ZNF827: variants seen among roughly 807,000 people sequenced by gnomAD.
ZNF827 encodes the protein zinc finger protein 827.
In ZNF827, 13 loss-of-function variants were observed where a neutral mutation model predicts 102.4. That is an observed-to-expected ratio of 0.13 (90% confidence interval 0.08 to 0.20). The LOEUF (loss-of-function observed/expected upper bound fraction) is 0.20. Among genes scored for constraint, ZNF827 ranks in the 10% least tolerant of loss-of-function variants. The pLI is 1.00. For synonymous variants in ZNF827, 523 were observed against 536.2 expected, an observed-to-expected ratio of 0.98 and a Z score of 0.34; for missense variants, 1,103 against 1,344.4, an observed-to-expected ratio of 0.82 and a Z score of 2.81.
Position 145,758,458 on chromosome 4 carries a change from TC to T in ZNF827, c.*3157del, listed in dbSNP as rs1446581793. ...TGGTGCTTAAGTGTGATTCGCCTTT[TC>T]TACCAGCCTCTGTGGGACTACTTTA... On this transcript the variant is annotated 3_prime_UTR_variant, in exon 15 of 15. Coordinates refer to ENST00000508784, the MANE Select transcript of ZNF827 (RefSeq NM_001306215.2). 6.6e-6 allele frequency: 1 copy of T among 152,236 alleles called. No individual in the cohort carries two copies. Among genetic ancestry groups the T allele is most frequent in the African/African-American group, 2.4e-5 (1 of 41,464 alleles). The allele number at this position is 152,236 out of a possible 1,614,324, so 9.4% of individuals were successfully genotyped here.
chr4:145,902,202 C>G lies in ZNF827; in HGVS notation c.1057G>C (p.Val353Leu), dbSNP rs1392892857. The part of the protein sequence containing the change: ...PQSLELLLLP[V>L]PKGRVSKPSN... Reference sequence around the variant, plus strand: ...GGTTTAGAAACTCTTCCCTTAGGAACTGGGAGTAATAATAATTCCAGGGAT... The same window carrying G: ...GGTTTAGAAACTCTTCCCTTAGGAAGTGGGAGTAATAATAATTCCAGGGAT... The change falls in exon 2 of 15, where the codon GTT (valine) becomes CTT (leucine). Residue 353 changes from valine (V) to leucine (L), a missense_variant. Transcript: ENST00000508784. This position sits in a 1 kb window ranked among gnomAD's most constrained non-coding sequence, Gnocchi z 4.3. 1 of 1,604,250 alleles carries G rather than the reference C, an allele frequency of 6.2e-7. No individual in the cohort carries two copies. The highest frequency in any genetic ancestry group is 1.7e-5 in the Admixed American group (1 of 58,620).
At chr4:145,820,146 A>G (rs1042024599) in intron 8 of ZNF827, 2 of 152,678 alleles carry the variant, frequency 1.3e-5, no homozygotes, top group Non-Finnish European at 2.9e-5. Context: ...CCCTTGGCCC[A>G]GCAGCTGTTA....
chr4:145,788,416 G>A (rs1739196667), intron 8 of ZNF827, among the ~76,000 whole-genome samples: 1 of 152,186 alleles, frequency 6.6e-6, no homozygotes, highest in South Asian at 2.1e-4. Context: ...GTCACTGCCA[G>A]AATCCAGGCC....
chr4:145,855,427 G>A (rs974557266), intron 5 of ZNF827, among the ~76,000 whole-genome samples: 1 of 152,186 alleles, frequency 6.6e-6, no homozygotes, highest in Non-Finnish European at 1.5e-5. Flanking sequence ...TCTTAGGATT[G>A]ATCATTACTT....
At chr4:145,783,211 A>G (rs1047394580) in intron 8 of ZNF827, among the ~76,000 whole-genome samples, 6 of 152,224 alleles carry the variant, frequency 3.9e-5, no homozygotes, top group African/African-American at 1.4e-4. Context: ...GCATTAGCAC[A>G]ATCTCTGCTA....
At chr4:145,882,605 C>CTTAGTT (rs1253171035) in intron 4 of ZNF827, among the ~76,000 whole-genome samples, 1 of 152,144 alleles carries the variant, frequency 6.6e-6, no homozygotes, top group African/African-American at 2.4e-5. Context: ...CATCTTTATG[C>CTTAGTT]TTAGTTTTAG....
At position 145,902,030 on chromosome 4, in the gene ZNF827, T is replaced by G. The variant is rs1751453621; in HGVS notation, c.1093+136A>C. The G allele has an allele frequency of 2.7e-6, 3 of 1,105,846 alleles. No homozygotes were observed. Among genetic ancestry groups the G allele is most frequent in the Non-Finnish European group, 3.8e-6 (3 of 797,596 alleles). 68.5% of individuals were successfully genotyped at this position (1,105,846 alleles called of 1,614,324 possible). On this transcript the variant is annotated intron_variant, in intron 2 of 14. Transcript: ENST00000508784. The surrounding 1 kb of genome is among the most constrained non-coding windows in gnomAD (Gnocchi z 4.3). Reference sequence around the variant, plus strand: ...AGACTACTATGCTGCTTACTTAAAGTATTTTTGTTGTGCTCTTGCTTTTTT... The same window carrying G: ...AGACTACTATGCTGCTTACTTAAAGGATTTTTGTTGTGCTCTTGCTTTTTT...
chr4:145,837,045 T>G (rs1248144159), intron 7 of ZNF827, among the ~76,000 whole-genome samples: 18 of 152,254 alleles, frequency 1.2e-4, no homozygotes, highest in Admixed American at 3.3e-4. Context: ...ACTGGATAGG[T>G]AGAGGCCTTT....
Position 145,763,175 on chromosome 4 carries a change from AG to A in ZNF827, c.3231-54del. 1 of 1,515,038 alleles carries A rather than the reference AG, an allele frequency of 6.6e-7. No homozygotes were observed. The highest frequency in any genetic ancestry group is 8.9e-7 in the Non-Finnish European group (1 of 1,129,730). 93.8% of individuals were successfully genotyped at this position (1,515,038 alleles called of 1,614,324 possible). Reference sequence around the variant, plus strand: ...ATCTTATTTGATCTGCATTATGAACAGGATATAGAGTACAAGCAGTTCCATC... The same window carrying A: ...ATCTTATTTGATCTGCATTATGAACAGATATAGAGTACAAGCAGTTCCATC... On this transcript the variant is annotated intron_variant, in intron 13 of 14. Transcript: ENST00000508784. The surrounding 1 kb of genome is among the most constrained non-coding windows in gnomAD (Gnocchi z 4.6).
intron 3 of ZNF827, among the ~76,000 whole-genome samples, chr4:145,886,406 A>G (rs1355029645): frequency 6.6e-6 from 1 of 152,188 alleles, no homozygotes; most frequent in East Asian, 1.9e-4. Flanking sequence ...AACGGATGCT[A>G]TTTTGGGTAG....
intron 8 of ZNF827, among the ~76,000 whole-genome samples, chr4:145,784,221 A>G (rs1291760374): frequency 2.6e-5 from 4 of 152,376 alleles, no homozygotes; most frequent in African/African-American, 9.6e-5. Flanking sequence ...ATTTCTTGAT[A>G]GCACTGCAGG....
At chr4:145,811,826 A>G (rs2126399360) in intron 8 of ZNF827, among the ~76,000 whole-genome samples, 1 of 152,352 alleles carries the variant, frequency 6.6e-6, no homozygotes, top group Middle Eastern at 3.4e-3. Context: ...AAAATAATTT[A>G]TACTTGAAAA....
At chr4:145,777,419 A>G (rs1404294222) in intron 9 of ZNF827, among the ~76,000 whole-genome samples, 2 of 152,182 alleles carry the variant, frequency 1.3e-5, no homozygotes, top group Non-Finnish European at 2.9e-5. Context: ...AAATTTCTGG[A>G]CCTGATGCCT....
Position 145,885,642 on chromosome 4 carries a change from G to GAA in ZNF827, c.1747+35_1747+36insTT, listed in dbSNP as rs1750050725. 6.7e-6 allele frequency: 10 copies of GAA among 1,500,288 alleles called. No homozygotes were observed. In the East Asian group the frequency reaches 2.3e-4, roughly 35 times the overall value. The allele number at this position is 1,500,288 out of a possible 1,614,324, so 92.9% of individuals were successfully genotyped here. A position where few individuals can be genotyped will look rare whatever the true frequency, so the allele number is the denominator to read the frequency against. ...AGAGAGAGAGAGAGAGAGAGAGAGAGAGAGAGAGAGAGAGAATACAACCCT... is the reference window on the plus strand; with the variant it reads ...AGAGAGAGAGAGAGAGAGAGAGAGAGAAAGAGAGAGAGAGAGAATACAACCCT... On this transcript the variant is annotated intron_variant, in intron 4 of 14. Coordinates refer to ENST00000508784, the MANE Select transcript of ZNF827 (RefSeq NM_001306215.2).
At chr4:145,827,458 A>C (rs1743803681) in intron 7 of ZNF827, among the ~76,000 whole-genome samples, 1 of 152,242 alleles carries the variant, frequency 6.6e-6, no homozygotes, top group Non-Finnish European at 1.5e-5. Context: ...CCAATTTCCT[A>C]AAACTTGTAC....
chr4:145,885,151 A>G (rs565926866), intron 4 of ZNF827, among the ~76,000 whole-genome samples: 1 of 152,316 alleles, frequency 6.6e-6, no homozygotes, highest in South Asian at 2.1e-4. Flanking sequence ...CATTAAAAAA[A>G]CCTGAAAAAC....
intron 3 of ZNF827, among the ~76,000 whole-genome samples, chr4:145,888,271 G>T (rs1338063001): frequency 6.6e-6 from 1 of 152,178 alleles, no homozygotes; most frequent in East Asian, 1.9e-4. Context: ...TCCTCTGACT[G>T]CAGTTTTTCC....
chr4:145,914,872 ACT>A (rs2126939161), intron 1 of ZNF827, among the ~76,000 whole-genome samples: 1 of 152,354 alleles, frequency 6.6e-6, no homozygotes, highest in African/African-American at 2.4e-5. Context: ...GAAATCCAGC[ACT>A]GTTTTCTAGG....
intron 3 of ZNF827, among the ~76,000 whole-genome samples, chr4:145,887,969 C>T (rs2126831156): frequency 6.6e-6 from 1 of 152,278 alleles, no homozygotes; most frequent in African/African-American, 2.4e-5. Flanking sequence ...AATCCAAGAA[C>T]AGAAGCTCCG....
Sources: gnomAD v4.1 joint callset for allele counts (sites outside exome capture counted in the v4.1 genomes callset) on GRCh38, gnomAD v4.1.1 for gene constraint, Gnocchi (gnomAD v3.1) non-coding constraint, MANE v1.5 for transcripts, NCBI Gene and HGNC (gene_info 2026-07-23, HGNC 2026-07-21) for gene names.